Variants in GREB1L observed in about 807,000 individuals in gnomAD.
GREB1L encodes the protein GREB1-like protein.
In GREB1L, 17 loss-of-function variants were observed where a neutral mutation model predicts 200.8. That is an observed-to-expected ratio of 0.08 (90% CI 0.06 to 0.13). The LOEUF is 0.13. Among genes scored for constraint, GREB1L ranks in the 10% least tolerant of loss-of-function variants. GREB1L has a pLI of 1.00. For missense variants in GREB1L, 1,657 were observed against 2,367.7 expected (o/e 0.70, Z 6.23); for synonymous variants, 789 against 893.0 (o/e 0.88, Z 2.08).
intron 1 of GREB1L, among the ~76,000 whole-genome samples, chr18:21,249,716 C>G (rs531884335): frequency 6.6e-6 from 1 of 151,888 alleles, no homozygotes; most frequent in African/African-American, 2.4e-5. Flanking sequence ...CAAAATTAGC[C>G]AGGCATCGTG....
intron 1 of GREB1L, among the ~76,000 whole-genome samples, chr18:21,283,402 A>G (rs1294423609): frequency 6.6e-6 from 1 of 152,228 alleles, no homozygotes; most frequent in Non-Finnish European, 1.5e-5. Context: ...TAAAATTCCC[A>G]AATGAAGAGG....
At chr18:21,495,512 T>A (rs374269878) in intron 19 of GREB1L, among the ~76,000 whole-genome samples, 158 bp from the exon 20 acceptor site, 1 of 152,236 alleles carries the variant, frequency 6.6e-6, no homozygotes, top group Non-Finnish European at 1.5e-5. Context: ...GTATATGCGA[T>A]GTAGTAGCAG....
chr18:21,497,240 A>G (rs2036579629), intron 21 of GREB1L, among the ~76,000 whole-genome samples: 1 of 152,230 alleles, frequency 6.6e-6, no homozygotes, highest in South Asian at 2.1e-4. Flanking sequence ...GCATTACTGC[A>G]GGTCTATGGC....
In GREB1L at chr18:21,499,901, C is replaced by A; in HGVS notation, c.3564C>A (p.Ser1188=). Residue 1188 remains serine, a synonymous_variant, in exon 22 of 33, where the codon TCC becomes TCA. Transcript: ENST00000424526. ...AGACTCTGAAGCAGGAATGTGACTC[C>A]CTGGGCCCCCAGATGGCGAGCAGCA... The part of the protein sequence containing the change: ...AGETLKQECD[S]LGPQMASSTT... 2 of 1,549,788 alleles carry A rather than the reference C, an allele frequency of 1.3e-6. No individual in the cohort carries two copies. The highest frequency in any genetic ancestry group is 2.4e-5 in the South Asian group (2 of 83,832).
intron 15 of GREB1L, among the ~76,000 whole-genome samples, chr18:21,459,508 ACTC>A (rs2034941028): frequency 6.7e-6 from 1 of 148,916 alleles, no homozygotes; most frequent in South Asian, 2.1e-4. Context: ...CTTGTCTTGA[ACTC>A]CTGACCTCAA....
intron 1 of GREB1L, among the ~76,000 whole-genome samples, chr18:21,275,195 G>T (rs1181490493): frequency 6.6e-6 from 1 of 151,910 alleles, no homozygotes; most frequent in Non-Finnish European, 1.5e-5. Flanking sequence ...AGCAAAGATT[G>T]CACCACTGCA....
At chr18:21,448,661 A>C (rs2034363647) in intron 11 of GREB1L, among the ~76,000 whole-genome samples, 1 of 152,218 alleles carries the variant, frequency 6.6e-6, no homozygotes, top group African/African-American at 2.4e-5. Flanking sequence ...CACACAGCAA[A>C]AGAAATGATT....
intron 1 of GREB1L, among the ~76,000 whole-genome samples, chr18:21,331,749 TGTA>T (rs554196812): frequency 1.0e-3 from 153 of 152,332 alleles, no homozygotes; most frequent in Non-Finnish European, 9.8e-4. Context: ...AACAGTTTCT[TGTA>T]GTGATATGGC....
At chr18:21,417,815 T>C (rs1287017336) in intron 7 of GREB1L, among the ~76,000 whole-genome samples, 1 of 151,800 alleles carries the variant, frequency 6.6e-6, no homozygotes, top group Non-Finnish European at 1.5e-5. Flanking sequence ...CGGTCTCTAC[T>C]AAAAATATTT....
intron 1 of GREB1L, among the ~76,000 whole-genome samples, chr18:21,329,974 G>A (rs985647496): frequency 6.7e-6 from 1 of 150,300 alleles, no homozygotes; most frequent in South Asian, 2.1e-4. Context: ...TTTTTTGGGG[G>A]GGGGGGGTCT....
chr18:21,380,978 C>G (rs2040283206), intron 2 of GREB1L, among the ~76,000 whole-genome samples: 1 of 152,106 alleles, frequency 6.6e-6, no homozygotes, highest in African/African-American at 2.4e-5. Flanking sequence ...CGCGGTGGCT[C>G]ACACCTGTAA....
intron 2 of GREB1L, among the ~76,000 whole-genome samples, chr18:21,373,977 C>T (rs1341437651): frequency 6.6e-6 from 1 of 151,842 alleles, no homozygotes; most frequent in African/African-American, 2.4e-5. Context: ...CAGGTAGTCT[C>T]GTATGTCTTC....
chr18:21,367,110 G>T (rs542209815), intron 2 of GREB1L, among the ~76,000 whole-genome samples: 139 of 152,200 alleles, frequency 9.1e-4, no homozygotes, highest in Non-Finnish European at 3.7e-4. Flanking sequence ...GGACAGCTGA[G>T]TGGGGTCAGT....
rs1356859518 is a variant in GREB1L at position 21,499,864 on chromosome 18, C to T, written c.3527C>T (p.Ala1176Val). Residue 1176 changes from alanine (A) to valine (V), a missense_variant, in exon 22 of 33, where the codon GCC becomes GTC. This residue lies in a region of GREB1L where 512 missense variants were observed against 668.3 expected (regional missense o/e 0.77). Coordinates refer to ENST00000424526, the MANE Select transcript of GREB1L (RefSeq NM_001142966.3). ...DEGVSASSAGAGAGETLKQEC... is the reference protein window; with the variant it reads ...DEGVSASSAGVGAGETLKQEC... Reference sequence around the variant, plus strand: ...GGGGTCTCCGCCAGCTCAGCTGGAGCCGGAGCCGGGGAGACTCTGAAGCAG... The same window carrying T: ...GGGGTCTCCGCCAGCTCAGCTGGAGTCGGAGCCGGGGAGACTCTGAAGCAG... The T allele has an allele frequency of 6.4e-7, 1 of 1,550,822 alleles. No individual in the cohort carries two copies.
At chr18:21,477,711 G>A (rs556595190) in intron 17 of GREB1L, among the ~76,000 whole-genome samples, 8 of 152,060 alleles carry the variant, frequency 5.3e-5, no homozygotes, top group African/African-American at 1.7e-4. Flanking sequence ...ACTTAAACCC[G>A]GGAGGCGGAG....
intron 1 of GREB1L, among the ~76,000 whole-genome samples, chr18:21,356,223 G>C (rs1598689400): frequency 1.3e-5 from 2 of 151,214 alleles, no homozygotes; most frequent in Admixed American, 1.3e-4. Context: ...CCTCAGGTGA[G>C]CTGCCCACCT....
At chr18:21,246,185 T>C (rs573460505) in intron 1 of GREB1L, among the ~76,000 whole-genome samples, 141 of 152,284 alleles carry the variant, frequency 9.3e-4, no homozygotes, top group African/African-American at 3.2e-3. Flanking sequence ...CTAGTACTCA[T>C]TGGCAATATT....
chr18:21,399,607 T>A (rs1449518768), intron 5 of GREB1L, among the ~76,000 whole-genome samples: 1 of 152,122 alleles, frequency 6.6e-6, no homozygotes, highest in African/African-American at 2.4e-5. Context: ...ATTGGACAAA[T>A]AGTCAAATGT....
At chr18:21,399,485 A>ATGGATGGG (rs2041225582) in intron 5 of GREB1L, among the ~76,000 whole-genome samples, 1 of 151,458 alleles carries the variant, frequency 6.6e-6, no homozygotes. Context: ...GGATGGATGG[A>ATGGATGGG]TGGATGGATA....
Sources: allele counts gnomAD v4.1 joint callset (sites outside exome capture counted in the v4.1 genomes callset), GRCh38; gene constraint gnomAD v4.1.1; regional missense constraint gnomAD v4.1.1; transcripts MANE v1.5; gene names NCBI Gene and HGNC (gene_info 2026-07-23, HGNC 2026-07-21).